Variants in ABCA13 observed in about 807,000 individuals in gnomAD.
ABCA13 encodes ATP-binding cassette sub-family A member 13.
A neutral mutation model predicts 478.7 loss-of-function variants in ABCA13; 476 were observed. The ratio of observed to expected loss-of-function variants is 0.99; its 90% CI spans 0.92 to 1.07. The LOEUF (loss-of-function observed/expected upper bound fraction) is 1.07. ABCA13 is among the 50% of genes least tolerant of loss of function. The pLI is 0.00. For missense variants in ABCA13, 6,060 were observed against 5,910.6 expected, an observed-to-expected ratio of 1.03 and a Z score of -0.83; for synonymous variants, 2,252 against 2,158.9, an observed-to-expected ratio of 1.04 and a Z score of -1.20.
intron 23 of ABCA13, among the ~76,000 whole-genome samples, chr7:48,304,682 C>T (rs1185748180): frequency 1.3e-5 from 2 of 152,154 alleles, no homozygotes; most frequent in East Asian, 1.9e-4. Context: ...TGCTCACTAC[C>T]TGGGTGATGT....
At chr7:48,370,265 T>G (rs1812422723) in intron 32 of ABCA13, among the ~76,000 whole-genome samples, 1 of 152,198 alleles carries the variant, frequency 6.6e-6, no homozygotes, top group African/African-American at 2.4e-5. Context: ...TTTGCTGAAT[T>G]TATTTATCAG....
intron 38 of ABCA13, 127 bp downstream of exon 38, chr7:48,392,266 GGTT>G: frequency 1.1e-6 from 1 of 904,320 alleles, no homozygotes; most frequent in Non-Finnish European, 1.7e-6. Context: ...ATTAGCAAAT[GGTT>G]GTTAACTATG....
intron 35 of ABCA13, among the ~76,000 whole-genome samples, chr7:48,378,787 T>C (rs549396337): frequency 2.9e-4 from 44 of 152,354 alleles, no homozygotes; most frequent in African/African-American, 1.0e-3. Flanking sequence ...TTCACACGGA[T>C]GTACCTTTTC....
intron 55 of ABCA13, among the ~76,000 whole-genome samples, chr7:48,579,553 A>G (rs972256667): frequency 6.6e-6 from 1 of 152,216 alleles, no homozygotes; most frequent in African/African-American, 2.4e-5. Flanking sequence ...ACTTTGGCAG[A>G]CAGTTTGGCA....
At chr7:48,199,523 G>T (rs756718623) in intron 3 of ABCA13, among the ~76,000 whole-genome samples, 3 of 152,084 alleles carry the variant, frequency 2.0e-5, no homozygotes, top group Non-Finnish European at 4.4e-5. Context: ...AATCACCTCC[G>T]CTATATCATC....
chr7:48,504,952 G>A (rs1374078475), intron 48 of ABCA13, among the ~76,000 whole-genome samples: 2 of 152,172 alleles, frequency 1.3e-5, no homozygotes, highest in Non-Finnish European at 2.9e-5. Flanking sequence ...AGAAAGACTG[G>A]TGGGTGTTAT....
chr7:48,233,942 T>C (rs1179953492), intron 7 of ABCA13, 76 bp from the exon 8 acceptor site: 1 of 1,516,926 alleles, frequency 6.6e-7, no homozygotes, highest in African/African-American at 1.4e-5. Flanking sequence ...AAAAAAGGTA[T>C]TTTTTTTCTG....
intron 3 of ABCA13, among the ~76,000 whole-genome samples, chr7:48,219,026 G>T (rs1230049094): frequency 6.6e-6 from 1 of 152,166 alleles, no homozygotes; most frequent in Non-Finnish European, 1.5e-5. Flanking sequence ...GTTCACTGAT[G>T]TATTTATTCC....
Position 48,278,284 on chromosome 7 carries a change from G to A in ABCA13, c.7090G>A (p.Asp2364Asn). Residue 2364 changes from aspartate to asparagine, a missense_variant, in exon 18 of 62, where the codon GAT becomes AAT. By Grantham distance (23) the Asp-to-Asn change is conservative. Coordinates refer to ENST00000435803, the MANE Select transcript of ABCA13 (RefSeq NM_152701.5). ...DTHQGLKFMQ[D>N]LFNALLRETS... is the part of the protein sequence containing the mutation. ...TCATCAAGGACTGAAGTTCATGCAA[G>A]ATTTATTTAATGCCCTTCTCAGGGA... is the stretch of plus-strand genomic sequence containing the variant. The A allele has an allele frequency of 6.2e-7, 1 of 1,612,550 alleles. No homozygotes were observed. Among genetic ancestry groups the A allele is most frequent in the South Asian group, 1.1e-5 (1 of 90,936 alleles).
chr7:48,458,583 A>G (rs1401837216), intron 43 of ABCA13, among the ~76,000 whole-genome samples: 1 of 152,236 alleles, frequency 6.6e-6, no homozygotes, highest in Non-Finnish European at 1.5e-5. Flanking sequence ...CCATGCTTCT[A>G]AAATTTTAGA....
At chr7:48,384,465 C>A (rs1276632746) in intron 35 of ABCA13, among the ~76,000 whole-genome samples, 3 of 152,332 alleles carry the variant, frequency 2.0e-5, no homozygotes, top group South Asian at 2.1e-4. Context: ...CTGGGCAACC[C>A]TTGCTGTTCC....
At chr7:48,548,527 A>G (rs976340974) in intron 55 of ABCA13, among the ~76,000 whole-genome samples, 1 of 150,324 alleles carries the variant, frequency 6.7e-6, no homozygotes, top group Non-Finnish European at 1.5e-5. Flanking sequence ...GAAGGATGAT[A>G]AAAACACCAG....
intron 1 of ABCA13, among the ~76,000 whole-genome samples, chr7:48,172,632 A>G (rs980158448): frequency 6.6e-6 from 1 of 151,138 alleles, no homozygotes; most frequent in Non-Finnish European, 1.5e-5. Context: ...CGTCTCTACT[A>G]AAAAAACACA....
intron 39 of ABCA13, among the ~76,000 whole-genome samples, chr7:48,408,843 G>T (rs995150799): frequency 1.3e-5 from 2 of 151,918 alleles, no homozygotes; most frequent in African/African-American, 4.8e-5. Flanking sequence ...TCTCCCTCCC[G>T]GCTCCCTCCA....
At chr7:48,191,729 T>C (rs866391378) in intron 1 of ABCA13, among the ~76,000 whole-genome samples, 31 of 152,182 alleles carry the variant, frequency 2.0e-4, no homozygotes, top group African/African-American at 7.0e-4. Flanking sequence ...TTTCTTTTCT[T>C]CTTTAATTAT....
rs114739884 is a variant in ABCA13, at chr7:48,468,521, G to A, written c.12905+1476G>A. Among the ~76,000 whole-genome samples the A allele has an allele frequency of 5.4e-3, 823 of 152,276 alleles. 7 individuals are homozygous for A. The highest frequency in any genetic ancestry group is 0.019 in the African/African-American group (786 of 41,558). On this transcript the variant is annotated intron_variant, in intron 44 of 61. Transcript: ENST00000435803. The stretch of plus-strand genomic sequence containing the variant: ...TAGGAGGAGAGGTACATGAAAAGAT[G>A]CTGTGAACACTTGTATTAATAATAA...
chr7:48,516,610 A>C, intron 51 of ABCA13, 115 bp from the exon 52 acceptor site: 1 of 1,016,134 alleles, frequency 9.8e-7, no homozygotes, highest in Admixed American at 2.1e-5. Flanking sequence ...TGTAGGATTC[A>C]GTAATATCTG....
Position 48,249,341 on chromosome 7 carries a change from C to G in ABCA13, c.1995C>G (p.Asn665Lys). The change falls in exon 15 of 62, where the codon AAC (asparagine) becomes AAG (lysine). Residue 665 changes from asparagine (N) to lysine (K), a missense_variant. Coordinates refer to ENST00000435803, the MANE Select transcript of ABCA13 (RefSeq NM_152701.5). ...QYVNMQESFQ[N>K]RLLAFPEESP... is the part of the protein sequence containing the mutation. Reference sequence around the variant, plus strand: ...TAAATATGCAAGAGAGTTTCCAGAACAGACTATTGGGTAAGTCAGTAGCCT... The same window carrying G: ...TAAATATGCAAGAGAGTTTCCAGAAGAGACTATTGGGTAAGTCAGTAGCCT... 1 of 1,613,024 alleles carries G rather than the reference C, an allele frequency of 6.2e-7. No individual in the cohort carries two copies. The highest frequency in any genetic ancestry group is 8.5e-7 in the Non-Finnish European group (1 of 1,179,300).
chr7:48,556,960 A>G (rs1053420226), intron 55 of ABCA13, among the ~76,000 whole-genome samples: 3 of 151,802 alleles, frequency 2.0e-5, no homozygotes, highest in Non-Finnish European at 4.4e-5. Flanking sequence ...TATCTGTTGT[A>G]TGTTCATTGA....
Sources: gnomAD v4.1 joint callset for allele counts (sites outside exome capture counted in the v4.1 genomes callset) on GRCh38, gnomAD v4.1.1 for gene constraint, MANE v1.5 for transcripts, NCBI Gene and HGNC (gene_info 2026-07-23, HGNC 2026-07-21) for gene names.